The following GRID1 variants were observed in gnomAD, a reference collection of about 807,000 sequenced individuals.
The protein encoded by GRID1 is glutamate ionotropic receptor delta type subunit 1.
Under a neutral mutation model 98.0 loss-of-function variants are expected in GRID1, and 28 were observed. That is an observed-to-expected ratio of 0.29 (90% CI 0.21 to 0.39). The LOEUF (loss-of-function observed/expected upper bound fraction) is 0.39. Ranked by LOEUF, GRID1 falls within the 10% of genes least tolerant of loss-of-function variation. GRID1 has a pLI of 1.00. For synonymous variants in GRID1, 553 were observed against 538.5 expected (o/e 1.03, Z -0.37); for missense variants, 1,111 against 1,340.5 (o/e 0.83, Z 2.67).
intron 8 of GRID1, among the ~76,000 whole-genome samples, chr10:85,744,577 G>T: frequency 7.8e-6 from 1 of 127,916 alleles, no homozygotes; most frequent in Non-Finnish European, 1.6e-5. Flanking sequence ...AATTCAAGAT[G>T]GATTAAAGAT....
intron 2 of GRID1, among the ~76,000 whole-genome samples, chr10:86,232,001 AT>A (rs148826331): frequency 1.1e-4 from 17 of 151,336 alleles, no homozygotes; most frequent in Non-Finnish European, 1.8e-4. Flanking sequence ...CCGCATGGAC[AT>A]TTTTTTTTAC....
At chr10:85,660,991 C>T (rs1054221751) in intron 12 of GRID1, among the ~76,000 whole-genome samples, 2 of 152,136 alleles carry the variant, frequency 1.3e-5, no homozygotes, top group African/African-American at 4.8e-5. Context: ...GAGCACTAAG[C>T]ATAATGCCAG....
In GRID1 at chr10:86,366,514, T is replaced by C. The variant is rs1048980051; in HGVS notation, c.-122A>G. On this transcript the variant is annotated 5_prime_UTR_variant, in exon 1 of 16. Coordinates refer to ENST00000327946, the MANE Select transcript of GRID1 (RefSeq NM_017551.3). This position sits in a 1 kb window ranked among gnomAD's most constrained non-coding sequence, Gnocchi z 4.1. Reference sequence around the variant, plus strand: ...TCCCCGGGAGAGCCGAGCCCGCCCGTGCGTCTTCCCCCGCGCGCCCGCCCC... The same window carrying C: ...TCCCCGGGAGAGCCGAGCCCGCCCGCGCGTCTTCCCCCGCGCGCCCGCCCC... 124 of 480,016 alleles carry C rather than the reference T, an allele frequency of 2.6e-4. 1 individual carries two copies. The highest frequency in any genetic ancestry group is 2.3e-3 in the African/African-American group (110 of 48,152). The allele number at this position is 480,016 out of a possible 1,614,324, so 29.7% of individuals were successfully genotyped here.
Position 85,869,165 on chromosome 10 carries a change from C to T in GRID1, c.796G>A (p.Glu266Lys), listed in dbSNP as rs967113547. ...GCACTATGGACCAGATCCAGGATCT[C>T]CGGGTCACTGATTTCCTAGAAAAAT... ...VFVNEEISDP[E>K]ILDLVHSALG... The change falls in exon 6 of 16, where the codon GAG (glutamate) becomes AAG (lysine). Residue 266 changes from glutamate to lysine, a missense_variant. Glu to Lys is a moderately conservative substitution (Grantham distance 56). Around this residue, in one of 3 missense-constraint regions of GRID1, gnomAD observed 346 missense variants for 452.3 expected, o/e 0.76. Transcript: ENST00000327946. 1 of 1,613,584 alleles carries T rather than the reference C, an allele frequency of 6.2e-7. No individual in the cohort carries two copies. The highest frequency in any genetic ancestry group is 8.5e-7 in the Non-Finnish European group (1 of 1,179,512).
intron 15 of GRID1, among the ~76,000 whole-genome samples, chr10:85,603,194 CAG>C (rs1191093024): frequency 2.0e-5 from 3 of 152,234 alleles, no homozygotes; most frequent in African/African-American, 7.2e-5. Flanking sequence ...AATGATTCAT[CAG>C]AGTCACAGGA....
chr10:85,613,895 C>T (rs1842761405), intron 14 of GRID1, among the ~76,000 whole-genome samples: 1 of 152,242 alleles, frequency 6.6e-6, no homozygotes, highest in African/African-American at 2.4e-5. Context: ...CACCCTATTC[C>T]ACTGCCCAAG....
At chr10:85,970,550 C>T (rs920223215) in intron 4 of GRID1, among the ~76,000 whole-genome samples, 3 of 151,906 alleles carry the variant, frequency 2.0e-5, no homozygotes, top group Non-Finnish European at 2.9e-5. Flanking sequence ...CCATAGTTAA[C>T]AGAATAAAGG....
chr10:86,025,913 G>C (rs1843109909), intron 4 of GRID1, among the ~76,000 whole-genome samples: 1 of 152,182 alleles, frequency 6.6e-6, no homozygotes, highest in Non-Finnish European at 1.5e-5. Flanking sequence ...TCTGTTCTGA[G>C]GAACCTGCCT....
chr10:86,067,404 C>A (rs900792410), intron 4 of GRID1, among the ~76,000 whole-genome samples: 2 of 152,174 alleles, frequency 1.3e-5, no homozygotes, highest in African/African-American at 4.8e-5. Context: ...TATTGCGCAC[C>A]AAGGGACTGC....
chr10:85,744,566 C>G lies in GRID1; in HGVS notation c.1234-14952G>C, dbSNP rs371496823. 7.1e-4 allele frequency among the ~76,000 whole-genome samples: 95 copies of G among 133,232 alleles called. No individual in the cohort carries two copies. The East Asian group carries it at 0.019, about 26-fold the overall frequency. The allele number at this position is 133,232 out of a possible 152,430, so 87.4% of individuals were successfully genotyped here. A position where few individuals can be genotyped will look rare whatever the true frequency, so the allele number is the denominator to read the frequency against. ...CCTTCCTTACACCTTATACAAAAAT[C>G]AATTCAAGATGGATTAAAGATTTAA... is the stretch of plus-strand genomic sequence containing the variant. On this transcript the variant is annotated intron_variant, in intron 8 of 15. Coordinates refer to ENST00000327946, the MANE Select transcript of GRID1 (RefSeq NM_017551.3).
intron 8 of GRID1, among the ~76,000 whole-genome samples, chr10:85,789,764 T>C (rs1007502929): frequency 3.9e-5 from 6 of 152,076 alleles, no homozygotes; most frequent in African/African-American, 1.4e-4. Flanking sequence ...ACAGTCAGGG[T>C]AGCAGAGGCC....
intron 2 of GRID1, among the ~76,000 whole-genome samples, chr10:86,360,637 A>C (rs940947816): frequency 3.3e-5 from 5 of 152,216 alleles, no homozygotes; most frequent in African/African-American, 1.2e-4. Flanking sequence ...ATGGATTCAC[A>C]GTTGGGTCAA....
intron 4 of GRID1, among the ~76,000 whole-genome samples, chr10:85,948,227 T>A (rs1409052361): frequency 6.6e-6 from 1 of 152,260 alleles, no homozygotes; most frequent in Non-Finnish European, 1.5e-5. Context: ...AGGGGATAGA[T>A]AAGAACTCTC....
rs770935251 is a variant in GRID1, at chr10:86,131,289, AG to A, written c.726+7529del. On this transcript the variant is annotated intron_variant, in intron 4 of 15. Coordinates refer to ENST00000327946, the MANE Select transcript of GRID1 (RefSeq NM_017551.3). ...CAGGCTCAGAGGCGAGGCCCCCCCA[AG>A]GCTGAACACCCTTGGGGATCCGGGA... Among the ~76,000 whole-genome samples the A allele has an allele frequency of 2.0e-5, 3 of 152,194 alleles. No homozygotes were observed. In the East Asian group the frequency reaches 5.8e-4, roughly 29 times the overall value.
At chr10:85,622,600 A>T (rs900621295) in intron 13 of GRID1, among the ~76,000 whole-genome samples, 1 of 152,160 alleles carries the variant, frequency 6.6e-6, no homozygotes, top group African/African-American at 2.4e-5. Context: ...AATCTGTCTG[A>T]AAATGCCAAA....
At chr10:85,819,945 G>T (rs1167796764) in intron 8 of GRID1, among the ~76,000 whole-genome samples, 1 of 149,074 alleles carries the variant, frequency 6.7e-6, no homozygotes, top group Non-Finnish European at 1.5e-5. Context: ...GAGAGAGGGA[G>T]GGAGGAAGGG....
At chr10:86,154,934 G>A (rs1180181880) in intron 3 of GRID1, among the ~76,000 whole-genome samples, 3 of 152,108 alleles carry the variant, frequency 2.0e-5, no homozygotes, top group African/African-American at 7.2e-5. Flanking sequence ...ACCCCAGGAG[G>A]GCAGGTCTAT....
At chr10:85,688,065 T>C (rs1394916868) in intron 12 of GRID1, among the ~76,000 whole-genome samples, 1 of 152,234 alleles carries the variant, frequency 6.6e-6, no homozygotes. Flanking sequence ...CACAGGTTAT[T>C]GAATGGAAAA....
At chr10:85,694,752 G>C (rs1260741330) in intron 12 of GRID1, among the ~76,000 whole-genome samples, 1 of 141,444 alleles carries the variant, frequency 7.1e-6, no homozygotes, top group Non-Finnish European at 1.5e-5. Context: ...GGAAGTAAAT[G>C]ATAGGTACAC....
Sources: gnomAD v4.1 joint callset for allele counts (sites outside exome capture counted in the v4.1 genomes callset) on GRCh38, gnomAD v4.1.1 for gene constraint, gnomAD v4.1.1 regional missense constraint, Gnocchi (gnomAD v3.1) non-coding constraint, MANE v1.5 for transcripts, NCBI Gene and HGNC (gene_info 2026-07-23, HGNC 2026-07-21) for gene names.